Variants in PTPRD observed in about 807,000 individuals in gnomAD.
The protein encoded by PTPRD is protein tyrosine phosphatase receptor type D.
PTPRD carries 34 observed loss-of-function variants against 214.5 expected under a neutral mutation model. The observed-to-expected ratio is 0.16, with a 90% CI of 0.12 to 0.21. The LOEUF is 0.21. PTPRD is among the 10% of genes least tolerant of loss of function. The probability of loss-of-function intolerance (pLI) is 1.00; values close to 1 mark genes in which losing one functional copy is unlikely to be tolerated. For synonymous variants in PTPRD, 1,128 were observed against 845.7 expected, an observed-to-expected ratio of 1.33 and a Z score of -5.79; for missense variants, 2,545 against 2,398.7, an observed-to-expected ratio of 1.06 and a Z score of -1.27.
At chr9:8,878,965 C>G (rs1374301928) in intron 11 of PTPRD, among the ~76,000 whole-genome samples, 4 of 152,206 alleles carry the variant, frequency 2.6e-5, no homozygotes, top group Non-Finnish European at 4.4e-5. Context: ...CAGTTGGTTG[C>G]ATTTCTGTGT....
chr9:9,758,813 G>T (rs750196786), intron 6 of PTPRD, among the ~76,000 whole-genome samples: 3 of 140,140 alleles, frequency 2.1e-5, no homozygotes, highest in East Asian at 4.3e-4. Context: ...TCTCTCTTGT[G>T]TACAGGCAAG....
At chr9:9,680,186 A>G (rs746374112) in intron 7 of PTPRD, among the ~76,000 whole-genome samples, 21 of 151,840 alleles carry the variant, frequency 1.4e-4, no homozygotes, top group Non-Finnish European at 2.4e-4. Context: ...GTAATTTTTC[A>G]TCACAACTAT....
At chr9:8,376,797 T>C in intron 37 of PTPRD, 71 bp from the exon 38 acceptor site, 1 of 1,590,418 alleles carries the variant, frequency 6.3e-7, no homozygotes, top group Non-Finnish European at 8.6e-7. Flanking sequence ...TTTGAGTTGC[T>C]GTTGAAGGAA....
chr9:10,569,001 GA>G (rs1311339740), intron 2 of PTPRD, among the ~76,000 whole-genome samples: 1 of 152,004 alleles, frequency 6.6e-6, no homozygotes, highest in African/African-American at 2.4e-5. Flanking sequence ...CAGAATGGGA[GA>G]AAATTTTTAC....
chr9:9,960,904 C>A (rs1051693312), intron 4 of PTPRD, among the ~76,000 whole-genome samples: 1 of 152,048 alleles, frequency 6.6e-6, no homozygotes, highest in Non-Finnish European at 1.5e-5. Context: ...TTTTTGCAAT[C>A]TACTCATCTG....
intron 12 of PTPRD, among the ~76,000 whole-genome samples, chr9:8,709,655 T>C (rs1051454143): frequency 7.9e-5 from 12 of 152,034 alleles, no homozygotes; most frequent in African/African-American, 2.9e-4. Flanking sequence ...CTACAACATA[T>C]ACATTAAAAT....
chr9:9,872,442 A>G (rs927586362), intron 5 of PTPRD, among the ~76,000 whole-genome samples: 3 of 152,144 alleles, frequency 2.0e-5, no homozygotes, highest in Admixed American at 1.3e-4. Context: ...TCTACAAAAG[A>G]AAATTTTAAT....
chr9:8,875,212 C>G (rs889124430), intron 11 of PTPRD, among the ~76,000 whole-genome samples: 8 of 152,082 alleles, frequency 5.3e-5, no homozygotes, highest in Non-Finnish European at 1.0e-4. Flanking sequence ...AGCTCTTTCT[C>G]ATGGTGATGA....
Position 10,595,673 on chromosome 9 carries a change from T to A in PTPRD, c.-600+16725A>T, listed in dbSNP as rs1431832403. Among the ~76,000 whole-genome samples the A allele has an allele frequency of 2.0e-5, 3 of 151,464 alleles. No individual in the cohort carries two copies. In the East Asian group the frequency reaches 5.8e-4, roughly 29 times the overall value. On this transcript the variant is annotated intron_variant, in intron 2 of 45. Transcript: ENST00000381196. ...ATTATTATATATTTATAATAAAAAA[T>A]TAGAATTATGTACATATGTCAGTGA...
At chr9:9,744,530 T>G (rs754756807) in intron 6 of PTPRD, among the ~76,000 whole-genome samples, 3 of 152,080 alleles carry the variant, frequency 2.0e-5, no homozygotes, top group Non-Finnish European at 2.9e-5. Flanking sequence ...AAGGTTTCTA[T>G]TTCAATACCC....
chr9:9,135,456 T>C (rs2099849386), intron 10 of PTPRD, among the ~76,000 whole-genome samples: 1 of 152,194 alleles, frequency 6.6e-6, no homozygotes, highest in Non-Finnish European at 1.5e-5. Flanking sequence ...TCATTTTCCC[T>C]GTGATGGCTG....
intron 39 of PTPRD, among the ~76,000 whole-genome samples, chr9:8,369,533 C>T (rs16927668): frequency 0.41 from 61,343 of 150,514 alleles, 16,627 homozygotes; most frequent in African/African-American, 0.74. Context: ...GGTATGCAGT[C>T]CCTATTCCTT....
intron 2 of PTPRD, among the ~76,000 whole-genome samples, chr9:10,346,308 T>A (rs976837992): frequency 6.6e-6 from 1 of 152,178 alleles, no homozygotes; most frequent in South Asian, 2.1e-4. Context: ...GGAATGAACA[T>A]GACACCTGGT....
intron 39 of PTPRD, among the ~76,000 whole-genome samples, chr9:8,368,696 G>GTTTTTTTTTTTTTTT: frequency 1.0e-5 from 1 of 96,712 alleles, no homozygotes; most frequent in Non-Finnish European, 1.8e-5. Context: ...TTTTTTTTTG[G>GTTTTTTTTTTTTTTT]TTCCATTACT....
intron 11 of PTPRD, among the ~76,000 whole-genome samples, chr9:8,984,337 G>A (rs1011428712): frequency 1.3e-5 from 2 of 151,940 alleles, no homozygotes; most frequent in Non-Finnish European, 2.9e-5. Flanking sequence ...GAACAGAAAT[G>A]AATTGTTTTT....
At chr9:9,776,942 G>C (rs570822719) in intron 5 of PTPRD, among the ~76,000 whole-genome samples, 1 of 152,140 alleles carries the variant, frequency 6.6e-6, no homozygotes, top group South Asian at 2.1e-4. Flanking sequence ...GGGTTGAAAG[G>C]CATAAATTCA....
intron 2 of PTPRD, among the ~76,000 whole-genome samples, chr9:10,463,596 T>G (rs933790067): frequency 1.3e-5 from 2 of 151,996 alleles, no homozygotes; most frequent in Non-Finnish European, 2.9e-5. Context: ...AAGGAAATAG[T>G]CTTAAATTTC....
intron 12 of PTPRD, among the ~76,000 whole-genome samples, chr9:8,687,955 G>C (rs1435189137): frequency 6.6e-6 from 1 of 152,078 alleles, no homozygotes; most frequent in Admixed American, 6.6e-5. Context: ...AAACAATTGA[G>C]TTATATCACT....
At chr9:9,256,950 A>G (rs537889422) in intron 9 of PTPRD, among the ~76,000 whole-genome samples, 10 of 152,178 alleles carry the variant, frequency 6.6e-5, no homozygotes, top group African/African-American at 2.4e-4. Flanking sequence ...CAGAAAAAGA[A>G]AAGCCTTTAT....
Sources: gnomAD v4.1 joint callset for allele counts (sites outside exome capture counted in the v4.1 genomes callset) on GRCh38, gnomAD v4.1.1 for gene constraint, MANE v1.5 for transcripts, NCBI Gene and HGNC (gene_info 2026-07-23, HGNC 2026-07-21) for gene names.